The following MECOM variants were observed in gnomAD, a reference collection of about 807,000 sequenced individuals.
The protein encoded by MECOM is histone-lysine N-methyltransferase MECOM.
In MECOM, 13 loss-of-function variants were observed where a neutral mutation model predicts 116.3. That is an observed-to-expected ratio of 0.11 (90% confidence interval 0.07 to 0.18). MECOM has a LOEUF of 0.18. MECOM is among the 10% of genes least tolerant of loss of function. MECOM has a pLI of 1.00. For missense variants in MECOM, 1,299 were observed against 1,509.0 expected (o/e 0.86, Z 2.31); for synonymous variants, 528 against 535.2 (o/e 0.99, Z 0.19).
chr3:169,645,029 A>G (rs1352526070), intron 1 of MECOM, among the ~76,000 whole-genome samples: 1 of 152,150 alleles, frequency 6.6e-6, no homozygotes, highest in African/African-American at 2.4e-5. Context: ...TGTCCGTCCC[A>G]CTGATCTCAA....
chr3:169,484,312 A>C (rs1378964061), intron 1 of MECOM, among the ~76,000 whole-genome samples: 1 of 152,220 alleles, frequency 6.6e-6, no homozygotes, highest in Non-Finnish European at 1.5e-5. Flanking sequence ...GATAAAGAAG[A>C]GGGCTAAAGA....
intron 1 of MECOM, among the ~76,000 whole-genome samples, chr3:169,484,372 G>T (rs1486100516): frequency 6.6e-6 from 1 of 151,286 alleles, no homozygotes; most frequent in Non-Finnish European, 1.5e-5. Context: ...GAAGGTAAAA[G>T]GTAACAAACT....
chr3:169,410,292 C>A (rs1737339283), intron 1 of MECOM, among the ~76,000 whole-genome samples: 1 of 152,220 alleles, frequency 6.6e-6, no homozygotes, highest in Admixed American at 6.5e-5. Context: ...GGAGAAAAGA[C>A]TGGGCTTTTT....
intron 1 of MECOM, among the ~76,000 whole-genome samples, chr3:169,612,366 CA>C (rs947169604): frequency 6.6e-6 from 1 of 152,032 alleles, no homozygotes; most frequent in African/African-American, 2.4e-5. Flanking sequence ...TGAGATTTTA[CA>C]AAAAAATTTG....
chr3:169,332,494 T>A (rs1722920812), intron 2 of MECOM, among the ~76,000 whole-genome samples: 3 of 152,296 alleles, frequency 2.0e-5, no homozygotes, highest in African/African-American at 7.2e-5. Context: ...GTGTTATTAG[T>A]GCTCAGTGAT....
At chr3:169,101,582 T>A (rs1313538107) in intron 11 of MECOM, among the ~76,000 whole-genome samples, 5 of 121,600 alleles carry the variant, frequency 4.1e-5, no homozygotes, top group African/African-American at 1.2e-4. Flanking sequence ...CAAAAAAAAA[T>A]CACACACAAA....
At chr3:169,154,990 C>A (rs766439508) in intron 2 of MECOM, among the ~76,000 whole-genome samples, 9 of 152,170 alleles carry the variant, frequency 5.9e-5, no homozygotes, top group Non-Finnish European at 1.3e-4. Context: ...ACAGGTGTGT[C>A]TTTAATGCTC....
At chr3:169,426,347 G>A (rs1217645667) in intron 1 of MECOM, among the ~76,000 whole-genome samples, 1 of 152,202 alleles carries the variant, frequency 6.6e-6, no homozygotes, top group African/African-American at 2.4e-5. Flanking sequence ...CAGTGGGAAA[G>A]TCATTTAATA....
chr3:169,570,912 C>T (rs543015703), intron 1 of MECOM, among the ~76,000 whole-genome samples: 1 of 152,258 alleles, frequency 6.6e-6, no homozygotes, highest in East Asian at 1.9e-4. Context: ...GGAAACATTC[C>T]CTTTGAAAAC....
intron 1 of MECOM, among the ~76,000 whole-genome samples, chr3:169,464,915 A>G (rs905757163): frequency 6.6e-6 from 1 of 152,084 alleles, no homozygotes; most frequent in African/African-American, 2.4e-5. Flanking sequence ...TTCTCTCCTT[A>G]CTGTCACTGT....
intron 1 of MECOM, among the ~76,000 whole-genome samples, chr3:169,488,254 C>T (rs774842998): frequency 2.0e-5 from 3 of 151,302 alleles, no homozygotes; most frequent in Non-Finnish European, 2.9e-5. Context: ...AGGCCAGGCA[C>T]GGTAGTTCAC....
chr3:169,092,782 T>G (rs973720163), intron 14 of MECOM, among the ~76,000 whole-genome samples, 176 bp downstream of exon 14: 1 of 152,156 alleles, frequency 6.6e-6, no homozygotes, highest in Non-Finnish European at 1.5e-5. Context: ...ATTAAATTAA[T>G]TAACACATGT....
chr3:169,320,387 T>A (rs1313695698), intron 2 of MECOM, among the ~76,000 whole-genome samples: 1 of 152,136 alleles, frequency 6.6e-6, no homozygotes, highest in Non-Finnish European at 1.5e-5. Context: ...GTTGAAGACA[T>A]ACAGAGAGAA....
At chr3:169,561,309 A>G (rs1762604122) in intron 1 of MECOM, among the ~76,000 whole-genome samples, 1 of 152,128 alleles carries the variant, frequency 6.6e-6, no homozygotes, top group South Asian at 2.1e-4. Context: ...ATTATTGATA[A>G]TAGTAAAAAG....
At chr3:169,256,083 A>G (rs1046980546) in intron 2 of MECOM, among the ~76,000 whole-genome samples, 2 of 152,204 alleles carry the variant, frequency 1.3e-5, no homozygotes, top group African/African-American at 4.8e-5. Flanking sequence ...CTGTCAGAAA[A>G]GTCTTCAAAA....
intron 2 of MECOM, among the ~76,000 whole-genome samples, chr3:169,247,776 T>C (rs1755775645): frequency 6.6e-6 from 1 of 152,262 alleles, no homozygotes; most frequent in South Asian, 2.1e-4. Flanking sequence ...TATGCTGTCA[T>C]ACTTTTGGCA....
At chr3:169,322,994 C>A (rs377731679) in intron 2 of MECOM, among the ~76,000 whole-genome samples, 1 of 79,002 alleles carries the variant, frequency 1.3e-5, no homozygotes, top group Admixed American at 2.1e-4. Context: ...AGCAAGACTC[C>A]GGTAAAAAAA....
intron 2 of MECOM, among the ~76,000 whole-genome samples, chr3:169,164,154 T>C (rs969228464): frequency 1.3e-5 from 2 of 152,180 alleles, no homozygotes; most frequent in Non-Finnish European, 2.9e-5. Flanking sequence ...GTTCCCATAA[T>C]TCTCACATGT....
intron 2 of MECOM, among the ~76,000 whole-genome samples, chr3:169,336,158 T>C (rs956142848): frequency 1.6e-4 from 25 of 152,096 alleles, no homozygotes; most frequent in African/African-American, 6.0e-4. Flanking sequence ...AATGTTAAAA[T>C]TCCAGTGAAA....
Sources: gnomAD v4.1 joint callset for allele counts (sites outside exome capture counted in the v4.1 genomes callset) on GRCh38, gnomAD v4.1.1 for gene constraint, MANE v1.5 for transcripts, NCBI Gene and HGNC (gene_info 2026-07-23, HGNC 2026-07-21) for gene names.